The following INVS variants were observed in gnomAD, a reference collection of about 807,000 sequenced individuals.
INVS encodes the protein inversion of embryo turning homolog.
In INVS, 86 loss-of-function variants were observed where a neutral mutation model predicts 108.8. That is an observed-to-expected ratio of 0.79 (90% CI 0.66 to 0.95). The LOEUF is 0.95. Ranked by LOEUF, INVS falls within the 40% of genes least tolerant of loss-of-function variation. The probability of loss-of-function intolerance (pLI) is 0.00; values close to 1 mark genes in which losing one functional copy is unlikely to be tolerated. For synonymous variants in INVS, 455 were observed against 473.5 expected (o/e 0.96, Z 0.51); for missense variants, 1,169 against 1,297.4 (o/e 0.90, Z 1.52).
intron 3 of INVS, among the ~76,000 whole-genome samples, chr9:100,198,917 C>G (rs1482041268): frequency 2.0e-5 from 3 of 152,116 alleles, no homozygotes; most frequent in East Asian, 3.9e-4. Context: ...TATAATGTCC[C>G]TCAATTTGGG....
At chr9:100,121,709 T>TC (rs149485224) in intron 2 of INVS, among the ~76,000 whole-genome samples, 4,644 of 152,172 alleles carry the variant, frequency 0.031, 230 homozygotes, top group African/African-American at 0.11. Flanking sequence ...TGCTCTCTGT[T>TC]CTTATTTTTC....
intron 3 of INVS, among the ~76,000 whole-genome samples, chr9:100,186,062 A>G (rs1480379817): frequency 6.6e-6 from 1 of 152,208 alleles, no homozygotes; most frequent in South Asian, 2.1e-4. Context: ...AATACCCAGT[A>G]GTAGAATTGC....
Position 100,213,976 on chromosome 9 carries a change from A to G in INVS, c.274-12086A>G, listed in dbSNP as rs149684844. 8.5e-4 allele frequency among the ~76,000 whole-genome samples: 129 copies of G among 152,308 alleles called. 1 individual carries two copies. Among genetic ancestry groups the G allele is most frequent in the East Asian group, 1.9e-3 (10 of 5,186 alleles). ...GGCCCATGGTAGATTGACTCTTCCA[A>G]CAACCCATCCCTCAGCCCAGCATTG... On this transcript the variant is annotated intron_variant, in intron 3 of 16. Coordinates refer to ENST00000262457, the MANE Select transcript of INVS (RefSeq NM_014425.5).
intron 2 of INVS, among the ~76,000 whole-genome samples, chr9:100,106,154 A>G (rs1827173177): frequency 6.6e-6 from 1 of 151,068 alleles, no homozygotes; most frequent in Admixed American, 6.6e-5. Context: ...TTAAGTAGGA[A>G]CTCCCTCATC....
chr9:100,229,505 C>T (rs908454846), intron 4 of INVS, among the ~76,000 whole-genome samples, 155 bp from the exon 5 acceptor site: 2 of 152,038 alleles, frequency 1.3e-5, no homozygotes, highest in Non-Finnish European at 2.9e-5. Flanking sequence ...ATTTAGACTT[C>T]GGTTGAACAC....
In INVS at chr9:100,210,935, T is replaced by G. The variant is rs553690551; in HGVS notation, c.274-15127T>G. Among the ~76,000 whole-genome samples the G allele has an allele frequency of 3.9e-5, 6 of 152,138 alleles. No individual in the cohort carries two copies. In the East Asian group the frequency reaches 1.2e-3, roughly 29 times the overall value. On this transcript the variant is annotated intron_variant, in intron 3 of 16. Coordinates refer to ENST00000262457, the MANE Select transcript of INVS (RefSeq NM_014425.5). ...TTTTAAGCTCCTAAGGATTGAGAAC[T>G]CCTAGATTAGGTTCTTTGTTTCAAC...
chr9:100,111,977 A>ACTTT (rs533301932), intron 2 of INVS, among the ~76,000 whole-genome samples: 3,278 of 151,864 alleles, frequency 0.022, 99 homozygotes, highest in African/African-American at 0.069. Context: ...GGGGATATAT[A>ACTTT]CTTTCTTTCT....
chr9:100,264,944 C>CTT lies in INVS; in HGVS notation c.1571+31_1571+32dup, dbSNP rs746060368. On this transcript the variant is annotated intron_variant, in intron 11 of 16. Transcript: ENST00000262457. ...ATGAAGAGAGGTAAGTTGTTGTTGA[C>CTT]TTTTTTTTTTTTTTTTGAGATGGCT... The CTT allele has an allele frequency of 4.6e-3, 5,635 of 1,223,820 alleles. No individual in the cohort carries two copies. Among genetic ancestry groups the CTT allele is most frequent in the Non-Finnish European group, 4.8e-3 (4,193 of 869,008 alleles). The allele number at this position is 1,223,820 out of a possible 1,614,324, so 75.8% of individuals were successfully genotyped here. A position where few individuals can be genotyped will look rare whatever the true frequency, so the allele number is the denominator to read the frequency against.
rs1833665397 is a variant in INVS, at chr9:100,292,777, C to T, written c.2520C>T (p.Leu840=). ...GAAACAAAGTGACACAAGCCAAGCT[C>T]ACAGGAGGGCTCTATTCACATTTGC... ...TPRNKVTQAK[L]TGGLYSHLPQ... Residue 840 remains leucine (L), a synonymous_variant, in exon 14 of 17, where the codon CTC becomes CTT. Coordinates refer to ENST00000262457, the MANE Select transcript of INVS (RefSeq NM_014425.5). The T allele has an allele frequency of 2.5e-6, 4 of 1,614,148 alleles. No individual in the cohort carries two copies. Among genetic ancestry groups the T allele is most frequent in the Non-Finnish European group, 2.5e-6 (3 of 1,180,020 alleles).
chr9:100,137,330 C>T (rs552560317), intron 3 of INVS, among the ~76,000 whole-genome samples: 1 of 152,106 alleles, frequency 6.6e-6, no homozygotes, highest in Admixed American at 6.5e-5. Context: ...TCACACCTCC[C>T]CAGACCCTAA....
chr9:100,284,280 C>T, intron 12 of INVS, 40 bp from the exon 13 acceptor site: 1 of 1,612,040 alleles, frequency 6.2e-7, no homozygotes, highest in East Asian at 2.2e-5. Context: ...AGGTGATACT[C>T]TTTAAATTTT....
rs761359405 is a variant in INVS at position 100,264,836 on chromosome 9, G to C, written c.1479G>C (p.Leu493Phe). 14 of 1,612,834 alleles carry C rather than the reference G, an allele frequency of 8.7e-6. No homozygotes were observed. The highest frequency in any genetic ancestry group is 1.1e-5 in the Non-Finnish European group (13 of 1,178,948). ...NIQDKEGRTA[L>F]HWSCNNGYLD... ...TATGCTTATAGGGAAGAACAGCTTTGCATTGGTCCTGCAACAATGGATACC... is the reference window on the plus strand; with the variant it reads ...TATGCTTATAGGGAAGAACAGCTTTCCATTGGTCCTGCAACAATGGATACC... The change falls in exon 11 of 17, where the codon TTG (leucine) becomes TTC (phenylalanine). Residue 493 changes from leucine to phenylalanine, a missense_variant. By Grantham distance (22) the Leu-to-Phe change is conservative. Coordinates refer to ENST00000262457, the MANE Select transcript of INVS (RefSeq NM_014425.5).
At chr9:100,161,985 G>A (rs1829206234) in intron 3 of INVS, among the ~76,000 whole-genome samples, 1 of 152,168 alleles carries the variant, frequency 6.6e-6, no homozygotes, top group African/African-American at 2.4e-5. Context: ...TAAACAGTTA[G>A]ACTTCCTGCA....
chr9:100,283,103 G>A (rs932966914), intron 12 of INVS, among the ~76,000 whole-genome samples: 4 of 152,126 alleles, frequency 2.6e-5, no homozygotes, highest in Admixed American at 2.6e-4. Context: ...GAGGCCAGTA[G>A]TTCAAAACCA....
At position 100,245,369 on chromosome 9, in the gene INVS, T is replaced by A. The variant is rs532376458; in HGVS notation, c.907-1247T>A. On this transcript the variant is annotated intron_variant, in intron 7 of 16. Transcript: ENST00000262457. ...ATCTCGGCTCACTGCAACCTCCGTCTCCCGGGTTCAATCAATTCCCCTGCC... is the reference window on the plus strand; with the variant it reads ...ATCTCGGCTCACTGCAACCTCCGTCACCCGGGTTCAATCAATTCCCCTGCC... 9.2e-5 allele frequency among the ~76,000 whole-genome samples: 14 copies of A among 152,286 alleles called. No individual in the cohort carries two copies. The East Asian group carries it at 2.5e-3, about 27-fold the overall frequency.
Position 100,113,208 on chromosome 9 carries a change from A to G in INVS, c.106+8581A>G, listed in dbSNP as rs1827398896. Among the ~76,000 whole-genome samples the G allele has an allele frequency of 2.0e-5, 3 of 152,252 alleles. No individual in the cohort carries two copies. In the South Asian group the frequency reaches 6.2e-4, roughly 31 times the overall value. ...TTCTAGATTAGATATTGAAGGCTCTAGTACAAAGAATATACTGTTGTACTA... is the reference window on the plus strand; with the variant it reads ...TTCTAGATTAGATATTGAAGGCTCTGGTACAAAGAATATACTGTTGTACTA... On this transcript the variant is annotated intron_variant, in intron 2 of 16. Coordinates refer to ENST00000262457, the MANE Select transcript of INVS (RefSeq NM_014425.5).
intron 3 of INVS, among the ~76,000 whole-genome samples, chr9:100,173,950 T>C (rs1168599598): frequency 6.6e-6 from 1 of 152,188 alleles, no homozygotes; most frequent in Non-Finnish European, 1.5e-5. Context: ...AGAGTTTGGG[T>C]TCAGCCAAGG....
Position 100,253,143 on chromosome 9 carries a change from A to G in INVS, c.1464+7A>G. ...TAACATTCAAGACAAAGAGGTAGAA[A>G]TTCTGTCTTTTCTATATTGTTTGCT... is the stretch of plus-strand genomic sequence containing the variant. On this transcript the variant is annotated splice_region_variant and intron_variant, in intron 10 of 16. Transcript: ENST00000262457. 1 of 1,600,762 alleles carries G rather than the reference A, an allele frequency of 6.2e-7. No homozygotes were observed. The highest frequency in any genetic ancestry group is 8.6e-7 in the Non-Finnish European group (1 of 1,168,562).
intron 3 of INVS, among the ~76,000 whole-genome samples, chr9:100,150,538 T>G (rs967390894): frequency 2.4e-4 from 36 of 152,216 alleles, no homozygotes; most frequent in Admixed American, 2.0e-3. Flanking sequence ...AAAAGGGACT[T>G]CAAATCCATT....
Sources: gnomAD v4.1 joint callset for allele counts (sites outside exome capture counted in the v4.1 genomes callset) on GRCh38, gnomAD v4.1.1 for gene constraint, MANE v1.5 for transcripts, NCBI Gene and HGNC (gene_info 2026-07-23, HGNC 2026-07-21) for gene names.